Variants in KIAA1614 observed in about 807,000 individuals in gnomAD.
KIAA1614 encodes the protein uncharacterized protein KIAA1614.
Under a neutral mutation model 88.7 loss-of-function variants are expected in KIAA1614, and 76 were observed. The observed-to-expected ratio is 0.86, with a 90% CI of 0.71 to 1.04. The LOEUF (loss-of-function observed/expected upper bound fraction) is 1.04, where lower values mean the gene tolerates loss of function less well. KIAA1614 is among the 50% of genes least tolerant of loss of function. The pLI is 0.00. For synonymous variants in KIAA1614, 714 were observed against 675.5 expected (o/e 1.06, Z -0.88); for missense variants, 1,553 against 1,582.5 (o/e 0.98, Z 0.32).
rs751935725 is a variant in KIAA1614 at position 180,916,758 on chromosome 1, G to A, written c.655G>A (p.Gly219Arg). The change falls in exon 2 of 9, where the codon GGA becomes AGA. Residue 219 changes from glycine (G) to arginine (R), a missense_variant. Physicochemically the swap from Gly to Arg is moderately radical, Grantham distance 125 (BLOSUM62 -2). Coordinates refer to ENST00000367588, the MANE Select transcript of KIAA1614 (RefSeq NM_020950.2). ...QQSPIHGVTP[G>R]RPGGPGHCNK... is the part of the protein sequence containing the mutation. ...GAGCCCGATCCATGGAGTTACTCCC[G>A]GACGGCCTGGGGGTCCTGGTCATTG... The A allele has an allele frequency of 2.7e-5, 43 of 1,614,062 alleles. No individual in the cohort carries two copies. The highest frequency in any genetic ancestry group is 1.6e-4 in the Middle Eastern group (1 of 6,084).
chr1:180,917,061 A>AC lies in KIAA1614; in HGVS notation c.962dup (p.Ala322CysfsTer48), dbSNP rs1653830550. ...TGGGCAGAGCCCCCGCAAGGTGGGA[A>AC]CCCCTGCCTGGACTCCATCCTGGGA... On this transcript the variant is annotated frameshift_variant, in exon 2 of 9. Transcript: ENST00000367588. LOFTEE classifies it high-confidence loss of function. The AC allele has an allele frequency of 6.2e-7, 1 of 1,613,398 alleles. No homozygotes were observed. Among genetic ancestry groups the AC allele is most frequent in the South Asian group, 1.1e-5 (1 of 91,080 alleles).
chr1:180,935,512 A>T lies in KIAA1614; in HGVS notation c.1603A>T (p.Arg535Trp). 1.3e-6 allele frequency: 2 copies of T among 1,531,708 alleles called. No individual in the cohort carries two copies. Among genetic ancestry groups the T allele is most frequent in the Non-Finnish European group, 1.7e-6 (2 of 1,143,588 alleles). 94.9% of individuals were successfully genotyped at this position (1,531,708 alleles called of 1,614,324 possible). ...ACCGCCGGCACCGGGCAGCGAGAGG[A>T]GGTGCCAGGCCTGCGGCAGCTGCAT... Reference protein sequence around the residue: ...PAPPAPGSERRCQACGSCIDD... With the variant: ...PAPPAPGSERWCQACGSCIDD... The change falls in exon 5 of 9, where the codon AGG becomes TGG. Residue 535 changes from arginine to tryptophan, a missense_variant. Coordinates refer to ENST00000367588, the MANE Select transcript of KIAA1614 (RefSeq NM_020950.2). The surrounding 1 kb of genome is among the most constrained non-coding windows in gnomAD (Gnocchi z 6.1).
At chr1:180,927,961 T>C (rs1223638764) in intron 3 of KIAA1614, among the ~76,000 whole-genome samples, 1 of 152,130 alleles carries the variant, frequency 6.6e-6, no homozygotes, top group South Asian at 2.1e-4. Flanking sequence ...TGGGTACTAG[T>C]GTGGTGCTGT....
chr1:180,935,634 C>G lies in KIAA1614; in HGVS notation c.1725C>G (p.Gly575=), dbSNP rs1654311695. ...AACGMERVLG[G]LSSPLRLLPA... ...GTGGGATGGAGAGGGTGCTGGGTGG[C>G]CTGAGCTCCCCACTCCGGCTCCTTC... Residue 575 remains glycine, a synonymous_variant, in exon 5 of 9, where the codon GGC becomes GGG. Coordinates refer to ENST00000367588, the MANE Select transcript of KIAA1614 (RefSeq NM_020950.2). The surrounding 1 kb of genome is among the most constrained non-coding windows in gnomAD (Gnocchi z 6.1). The G allele has an allele frequency of 6.2e-7, 1 of 1,611,508 alleles. No individual in the cohort carries two copies. Among genetic ancestry groups the G allele is most frequent in the Non-Finnish European group, 8.5e-7 (1 of 1,179,072 alleles).
chr1:180,923,220 G>A (rs1329828495), intron 3 of KIAA1614, among the ~76,000 whole-genome samples: 2 of 152,182 alleles, frequency 1.3e-5, no homozygotes, highest in Non-Finnish European at 2.9e-5. Flanking sequence ...TGGCCACTGC[G>A]AGTCAGCTCA....
At chr1:180,932,236 T>A (rs1328561416) in intron 4 of KIAA1614, among the ~76,000 whole-genome samples, 2 of 152,098 alleles carry the variant, frequency 1.3e-5, no homozygotes, top group Non-Finnish European at 2.9e-5. Flanking sequence ...AGTAGTGAGA[T>A]CCTGCACCGT....
At chr1:180,924,309 C>T (rs1202655152) in intron 3 of KIAA1614, among the ~76,000 whole-genome samples, 1 of 152,220 alleles carries the variant, frequency 6.6e-6, no homozygotes, top group African/African-American at 2.4e-5. Context: ...CATCGGAGGG[C>T]ATCTCGGACA....
chr1:180,920,391 T>G (rs1653928009), intron 3 of KIAA1614, among the ~76,000 whole-genome samples: 1 of 152,134 alleles, frequency 6.6e-6, no homozygotes, highest in African/African-American at 2.4e-5. Context: ...GGCTTAGGAC[T>G]TTGGGGAGAG....
intron 3 of KIAA1614, among the ~76,000 whole-genome samples, chr1:180,920,377 A>C (rs373906784): frequency 6.6e-6 from 1 of 152,136 alleles, no homozygotes; most frequent in East Asian, 1.9e-4. Flanking sequence ...TGTCTGTTCT[A>C]AGGGGCTTAG....
At chr1:180,931,072 G>A (rs909398129) in intron 4 of KIAA1614, among the ~76,000 whole-genome samples, 17 of 152,250 alleles carry the variant, frequency 1.1e-4, no homozygotes, top group African/African-American at 4.1e-4. Flanking sequence ...GGCAGCTGGG[G>A]CAAGCCTGAA....
intron 3 of KIAA1614, among the ~76,000 whole-genome samples, chr1:180,918,312 C>T (rs1653867028): frequency 1.3e-5 from 2 of 152,184 alleles, no homozygotes; most frequent in African/African-American, 4.8e-5. Context: ...GGAAAATGTA[C>T]AAAGCCTTAC....
At chr1:180,927,388 C>T (rs1347348403) in intron 3 of KIAA1614, among the ~76,000 whole-genome samples, 2 of 152,236 alleles carry the variant, frequency 1.3e-5, no homozygotes, top group South Asian at 4.1e-4. Context: ...CAGGAGAGGA[C>T]AGAGGGTGCG....
At chr1:180,916,000 T>G (rs1477674027) in intron 1 of KIAA1614, among the ~76,000 whole-genome samples, 154 bp from the exon 2 acceptor site, 1 of 152,284 alleles carries the variant, frequency 6.6e-6, no homozygotes, top group South Asian at 2.1e-4. Context: ...GCCAAAAAGG[T>G]TGGAGACCAC....
At chr1:180,920,448 C>T (rs1008702338) in intron 3 of KIAA1614, among the ~76,000 whole-genome samples, 1 of 152,182 alleles carries the variant, frequency 6.6e-6, no homozygotes, top group Non-Finnish European at 1.5e-5. Flanking sequence ...CCGAAGGGGG[C>T]CCCAGGACAT....
At chr1:180,928,652 C>T (rs2102264532) in intron 4 of KIAA1614, 79 bp downstream of exon 4, 1 of 1,411,846 alleles carries the variant, frequency 7.1e-7, no homozygotes, top group East Asian at 2.4e-5. Context: ...TGGGATCTAG[C>T]CAAATGCTGC....
intron 7 of KIAA1614, among the ~76,000 whole-genome samples, chr1:180,943,566 T>TTTTTTTTTTTTTTGG (rs1654519507): frequency 6.9e-6 from 1 of 144,394 alleles, no homozygotes; most frequent in Non-Finnish European, 1.5e-5. Flanking sequence ...TTTTTTTTTT[T>TTTTTTTTTTTTTTGG]GAGACAGGGT....
chr1:180,937,825 T>G (rs2102272112), intron 5 of KIAA1614, among the ~76,000 whole-genome samples: 1 of 152,304 alleles, frequency 6.6e-6, no homozygotes, highest in South Asian at 2.1e-4. Context: ...GGCGATTTCC[T>G]TCTCTGGTGG....
At chr1:180,930,857 G>A (rs1359474903) in intron 4 of KIAA1614, among the ~76,000 whole-genome samples, 1 of 152,236 alleles carries the variant, frequency 6.6e-6, no homozygotes, top group Non-Finnish European at 1.5e-5. Context: ...GCTTCTAAAG[G>A]TTACGCTCCG....
intron 3 of KIAA1614, among the ~76,000 whole-genome samples, chr1:180,922,446 C>T (rs770154149): frequency 3.3e-5 from 5 of 151,976 alleles, no homozygotes; most frequent in Non-Finnish European, 7.4e-5. Context: ...AAGGGGAGGG[C>T]GGGTCCCGAT....
Sources: allele counts gnomAD v4.1 joint callset (sites outside exome capture counted in the v4.1 genomes callset), GRCh38; gene constraint gnomAD v4.1.1; non-coding constraint Gnocchi (gnomAD v3.1); transcripts MANE v1.5; gene names NCBI Gene and HGNC (gene_info 2026-07-23, HGNC 2026-07-21).